The following PTPN12 variants were observed in gnomAD, a reference collection of about 807,000 sequenced individuals.
PTPN12 encodes tyrosine-protein phosphatase non-receptor type 12.
A neutral mutation model predicts 97.6 loss-of-function variants in PTPN12; 29 were observed. The ratio of observed to expected loss-of-function variants is 0.30; its 90% confidence interval spans 0.22 to 0.41. PTPN12 has a LOEUF of 0.41. Ranked by LOEUF, PTPN12 falls within the 10% of genes least tolerant of loss-of-function variation. PTPN12 has a pLI of 1.00. For synonymous variants in PTPN12, 327 were observed against 300.4 expected (o/e 1.09, Z -0.91); for missense variants, 819 against 926.0 (o/e 0.88, Z 1.50).
intron 1 of PTPN12, among the ~76,000 whole-genome samples, chr7:77,565,004 C>A (rs1007888002): frequency 6.6e-6 from 1 of 151,962 alleles, no homozygotes; most frequent in Non-Finnish European, 1.5e-5. Flanking sequence ...GATCTACCAG[C>A]CTTGGCCTCC....
chr7:77,605,532 G>GCC (rs2151369131), intron 8 of PTPN12, among the ~76,000 whole-genome samples: 1 of 146,014 alleles, frequency 6.8e-6, no homozygotes, highest in Non-Finnish European at 1.5e-5. Flanking sequence ...TGATTCTCCT[G>GCC]CCTCAGCCTC....
At chr7:77,537,978 CGGG>C (rs34251983) in intron 1 of PTPN12, 10 of 768,608 alleles carry the variant, frequency 1.3e-5, no homozygotes, top group Admixed American at 6.5e-5. Context: ...AGGTGCAGGC[CGGG>C]GGGGGGGGCT....
intron 1 of PTPN12, among the ~76,000 whole-genome samples, chr7:77,549,298 C>T (rs1344624275): frequency 6.6e-6 from 1 of 152,166 alleles, no homozygotes; most frequent in East Asian, 1.9e-4. Flanking sequence ...GTTTCAGCTC[C>T]ATATGAACTC....
At chr7:77,588,654 G>T (rs193149279) in intron 5 of PTPN12, among the ~76,000 whole-genome samples, 61 of 152,252 alleles carry the variant, frequency 4.0e-4, no homozygotes, top group Admixed American at 1.3e-3. Context: ...AATATGCAGT[G>T]TCTGAGAAAC....
At chr7:77,592,293 A>T (rs1003027337) in intron 6 of PTPN12, 37 bp downstream of exon 6, 57 of 1,506,490 alleles carry the variant, frequency 3.8e-5, no homozygotes, top group Non-Finnish European at 5.2e-5. Context: ...TTTTCAGAAA[A>T]TTGGCATGCT....
intron 2 of PTPN12, among the ~76,000 whole-genome samples, chr7:77,572,614 A>G (rs1393199105): frequency 1.3e-5 from 2 of 152,232 alleles, no homozygotes; most frequent in African/African-American, 4.8e-5. Flanking sequence ...AAGTGGCAAC[A>G]TAACATAATG....
At chr7:77,636,919 C>T (rs1188903174) in intron 15 of PTPN12, 99 bp from the exon 16 acceptor site, 1 of 824,728 alleles carries the variant, frequency 1.2e-6, no homozygotes, top group Non-Finnish European at 1.9e-6. Flanking sequence ...AATGATAGGC[C>T]TTGATTTCTT....
At chr7:77,570,112 A>C (rs1562718759) in intron 1 of PTPN12, among the ~76,000 whole-genome samples, 1 of 152,222 alleles carries the variant, frequency 6.6e-6, no homozygotes, top group East Asian at 1.9e-4. Context: ...GCAGAATAAG[A>C]TTCTAGTAAA....
intron 7 of PTPN12, 78 bp downstream of exon 7, chr7:77,597,979 A>G (rs937851035): frequency 1.0e-5 from 16 of 1,542,650 alleles, no homozygotes; most frequent in African/African-American, 8.2e-5. Flanking sequence ...TGTAATCCCA[A>G]CACTTTGGGA....
intron 1 of PTPN12, among the ~76,000 whole-genome samples, chr7:77,561,884 T>C (rs961851874): frequency 2.6e-5 from 4 of 151,826 alleles, no homozygotes; most frequent in African/African-American, 4.8e-5. Flanking sequence ...CTCCGCCTCC[T>C]GGGTTCATGC....
rs549143708 is a variant in PTPN12 at position 77,576,278 on chromosome 7, A to G, written c.208+5092A>G. ...CATATTGAATAATGCTGCTATGAACATGTCATACAACTCTCTGTGTGGACC... is the reference window on the plus strand; with the variant it reads ...CATATTGAATAATGCTGCTATGAACGTGTCATACAACTCTCTGTGTGGACC... On this transcript the variant is annotated intron_variant, in intron 2 of 17. Transcript: ENST00000248594. 8.1e-4 allele frequency among the ~76,000 whole-genome samples: 123 copies of G among 152,348 alleles called. 2 individuals carry two copies. In the South Asian group the frequency reaches 0.024, roughly 30 times the overall value.
chr7:77,590,986 G>A (rs536755604), intron 5 of PTPN12, among the ~76,000 whole-genome samples: 44 of 152,198 alleles, frequency 2.9e-4, no homozygotes, highest in South Asian at 4.1e-4. Flanking sequence ...GCAGTGAGCC[G>A]TGATTGCACC....
chr7:77,623,243 A>T (rs1789009509), intron 12 of PTPN12, among the ~76,000 whole-genome samples: 1 of 152,242 alleles, frequency 6.6e-6, no homozygotes, highest in Admixed American at 6.5e-5. Flanking sequence ...AAGTTTTTTT[A>T]AATTAAAAAC....
chr7:77,589,494 T>A (rs1049354176), intron 5 of PTPN12, among the ~76,000 whole-genome samples: 4 of 152,174 alleles, frequency 2.6e-5, no homozygotes, highest in African/African-American at 4.8e-5. Flanking sequence ...TGAAGTTTTT[T>A]AATACTAATG....
At chr7:77,538,054 C>T (rs117595969) in intron 1 of PTPN12, 26,896 of 1,000,972 alleles carry the variant, frequency 0.027, 425 homozygotes, top group Middle Eastern at 0.058. Context: ...AGGTATCTGG[C>T]TGTGACCGGG....
intron 8 of PTPN12, among the ~76,000 whole-genome samples, chr7:77,603,207 G>C (rs999818622): frequency 6.6e-6 from 1 of 152,152 alleles, no homozygotes; most frequent in African/African-American, 2.4e-5. Flanking sequence ...AGAATTAAAA[G>C]ATAAAGAAAT....
intron 1 of PTPN12, among the ~76,000 whole-genome samples, chr7:77,555,472 T>C (rs1807666378): frequency 6.6e-6 from 1 of 152,220 alleles, no homozygotes; most frequent in South Asian, 2.1e-4. Flanking sequence ...TTTCAGTTTT[T>C]TTCTAGTCTT....
chr7:77,619,799 T>C (rs941261960), intron 12 of PTPN12, among the ~76,000 whole-genome samples: 1 of 152,212 alleles, frequency 6.6e-6, no homozygotes, highest in African/African-American at 2.4e-5. Flanking sequence ...TTATAGTCTC[T>C]AGAATACCTT....
rs1188494287 is a variant in PTPN12 at position 77,639,326 on chromosome 7, T to C, written c.*46T>C. 1 of 1,499,482 alleles carries C rather than the reference T, an allele frequency of 6.7e-7. No homozygotes were observed. Among genetic ancestry groups the C allele is most frequent in the African/African-American group, 1.4e-5 (1 of 72,334 alleles). 92.9% of individuals were successfully genotyped at this position (1,499,482 alleles called of 1,614,324 possible). ...TTTAAGTTATACTGGAAAATTCAGG[T>C]GCCACTGAAAGCCAGATTTATAGTA... On this transcript the variant is annotated 3_prime_UTR_variant, in exon 18 of 18. Coordinates refer to ENST00000248594, the MANE Select transcript of PTPN12 (RefSeq NM_002835.4).
Sources: allele counts gnomAD v4.1 joint callset (sites outside exome capture counted in the v4.1 genomes callset), GRCh38; gene constraint gnomAD v4.1.1; transcripts MANE v1.5; gene names NCBI Gene and HGNC (gene_info 2026-07-23, HGNC 2026-07-21).